The following ZNF469 variants were observed in gnomAD, a reference collection of about 807,000 sequenced individuals.
ZNF469 encodes zinc finger protein 469.
Under a neutral mutation model 1.0 loss-of-function variants are expected in ZNF469, and 1 was observed. The ratio of observed to expected loss-of-function variants is 1.00; its 90% confidence interval spans 0.35 to 4.73. The LOEUF (loss-of-function observed/expected upper bound fraction) is 4.73. Ranked by LOEUF, ZNF469 falls within the 30% of genes most tolerant of loss-of-function variation. The pLI is 0.16. For missense variants in ZNF469, 6,100 were observed against 5,356.3 expected (o/e 1.14, Z -4.33); for synonymous variants, 2,703 against 2,363.4 (o/e 1.14, Z -4.17).
chr16:88,198,295 C>T, the ZNF469 span, among the ~76,000 whole-genome samples: 3 of 152,180 alleles, frequency 2.0e-5, no homozygotes, highest in Admixed American at 6.5e-5. Flanking sequence ...AGGTCAGGGA[C>T]GTCCTCCCCA....
the ZNF469 span, among the ~76,000 whole-genome samples, chr16:88,122,555 G>C: frequency 6.6e-6 from 1 of 150,466 alleles, no homozygotes; most frequent in African/African-American, 2.4e-5. Flanking sequence ...CCACTCAGAT[G>C]GCACTCTGTC....
chr16:88,328,087 G>A, the ZNF469 span, among the ~76,000 whole-genome samples: 7 of 152,162 alleles, frequency 4.6e-5, no homozygotes, highest in African/African-American at 7.2e-5. Context: ...TGGGAGCCAC[G>A]GTCCTAAAGC....
chr16:88,140,672 C>T, the ZNF469 span, among the ~76,000 whole-genome samples: 1 of 152,196 alleles, frequency 6.6e-6, no homozygotes, highest in Non-Finnish European at 1.5e-5. Flanking sequence ...TGGCTCAGGC[C>T]TGTAATCCCA....
chr16:88,278,619 G>A, the ZNF469 span, among the ~76,000 whole-genome samples: 9 of 131,326 alleles, frequency 6.9e-5, no homozygotes, highest in East Asian at 5.6e-4. Flanking sequence ...GGTCAGTACC[G>A]TGTAGATATC....
the ZNF469 span, among the ~76,000 whole-genome samples, chr16:88,137,521 G>A: frequency 1.3e-5 from 2 of 149,134 alleles, no homozygotes; most frequent in South Asian, 2.1e-4. Flanking sequence ...CTCCACACAT[G>A]CATGCAACCA....
At chr16:88,207,996 G>A in the ZNF469 span, among the ~76,000 whole-genome samples, 3 of 152,216 alleles carry the variant, frequency 2.0e-5, no homozygotes, top group Non-Finnish European at 4.4e-5. Context: ...CCTTTGGAAT[G>A]TATAAATGTC....
chr16:88,432,618 C>G lies in ZNF469; in HGVS notation c.5148C>G (p.Pro1716=). The G allele has an allele frequency of 6.4e-7, 1 of 1,550,408 alleles. No individual in the cohort carries two copies. Among genetic ancestry groups the G allele is most frequent in the Non-Finnish European group, 8.7e-7 (1 of 1,146,984 alleles). The change falls in exon 3 of 3, where the codon CCC becomes CCG. Residue 1716 remains proline, a synonymous_variant. Transcript: ENST00000565624. ...GCCAGGCAGAAGGAGACAGCAGGCC[C>G]CCCCAAGATGTCTGCCTGCCTGAGC... is the stretch of plus-strand genomic sequence containing the variant. ...GLCQAEGDSR[P]PQDVCLPEPS...
At chr16:88,196,352 T>C in the ZNF469 span, among the ~76,000 whole-genome samples, 4 of 152,148 alleles carry the variant, frequency 2.6e-5, no homozygotes, top group Non-Finnish European at 5.9e-5. Flanking sequence ...ATGATTCTCA[T>C]GAGGGCAAGG....
At chr16:88,419,285 C>T (rs886121109) in intron 1 of ZNF469, among the ~76,000 whole-genome samples, 1 of 152,192 alleles carries the variant, frequency 6.6e-6, no homozygotes, top group Non-Finnish European at 1.5e-5. Context: ...AGGATCAGCC[C>T]TGGTGGGCAG....
chr16:88,426,443 C>A (rs568285286), intron 2 of ZNF469, among the ~76,000 whole-genome samples: 16 of 152,278 alleles, frequency 1.1e-4, no homozygotes, highest in Non-Finnish European at 1.9e-4. Context: ...GAGTCCTGTC[C>A]GCACAGAGGA....
the ZNF469 span, among the ~76,000 whole-genome samples, chr16:88,218,214 G>C: frequency 6.8e-6 from 1 of 148,086 alleles, no homozygotes; most frequent in Non-Finnish European, 1.5e-5. Context: ...ATTTTTTCAT[G>C]TGTTTTTTGG....
the ZNF469 span, among the ~76,000 whole-genome samples, chr16:88,232,487 A>G: frequency 6.6e-6 from 1 of 152,172 alleles, no homozygotes; most frequent in Non-Finnish European, 1.5e-5. Context: ...ATCTCTGGAA[A>G]GAGTAGAGAA....
the ZNF469 span, among the ~76,000 whole-genome samples, chr16:88,159,994 G>C: frequency 6.6e-6 from 1 of 152,282 alleles, no homozygotes; most frequent in African/African-American, 2.4e-5. Context: ...AAGGCTGCCT[G>C]GATCACCTCG....
At chr16:88,240,264 C>T in the ZNF469 span, among the ~76,000 whole-genome samples, 2 of 152,314 alleles carry the variant, frequency 1.3e-5, no homozygotes, top group South Asian at 4.1e-4. Context: ...GTGGCCTGAC[C>T]TTCAGAAATG....
chr16:88,436,246 T>C lies in ZNF469; in HGVS notation c.8776T>C (p.Trp2926Arg), dbSNP rs1041995435. 2 of 1,549,706 alleles carry C rather than the reference T, an allele frequency of 1.3e-6. No homozygotes were observed. The highest frequency in any genetic ancestry group is 2.7e-5 in the African/African-American group (2 of 73,168). ...SSLCLCHEDP[W>R]EDEDPAGLPE... is the part of the protein sequence containing the mutation. ...CCTCTGCCTCTGCCATGAGGACCCG[T>C]GGGAGGACGAGGATCCCGCAGGTCT... is the stretch of plus-strand genomic sequence containing the variant. Residue 2926 changes from tryptophan (W) to arginine (R), a missense_variant, in exon 3 of 3, where the codon TGG (tryptophan) becomes CGG (arginine). Trp to Arg is a moderately radical substitution (Grantham distance 101, BLOSUM62 -3). Transcript: ENST00000565624.
chr16:88,361,565 C>A, the ZNF469 span, among the ~76,000 whole-genome samples: 1 of 152,178 alleles, frequency 6.6e-6, no homozygotes, highest in African/African-American at 2.4e-5. Context: ...CCACTTAAGG[C>A]ATTTTCTGTT....
the ZNF469 span, among the ~76,000 whole-genome samples, chr16:88,208,803 A>ACTCTCTCTCT: frequency 4.9e-5 from 6 of 123,656 alleles, no homozygotes; most frequent in African/African-American, 1.6e-4. Context: ...ACACACACAC[A>ACTCTCTCTCT]CTCTCTCTCT....
chr16:88,120,489 C>T, the ZNF469 span, among the ~76,000 whole-genome samples: 25 of 152,354 alleles, frequency 1.6e-4, no homozygotes, highest in East Asian at 4.1e-3. Flanking sequence ...AGCTGGAGGA[C>T]GTGGGTGGTG....
At chr16:88,106,545 G>T in the ZNF469 span, among the ~76,000 whole-genome samples, 1 of 152,258 alleles carries the variant, frequency 6.6e-6, no homozygotes, top group Non-Finnish European at 1.5e-5. Context: ...AAAGGAGTAG[G>T]CTGCCTGTGC....
Sources: allele counts gnomAD v4.1 joint callset (sites outside exome capture counted in the v4.1 genomes callset), GRCh38; gene constraint gnomAD v4.1.1; transcripts MANE v1.5; gene names NCBI Gene and HGNC (gene_info 2026-07-23, HGNC 2026-07-21).